Variants in PLA2G4A observed in about 807,000 individuals in gnomAD.
The protein encoded by PLA2G4A is cytosolic phospholipase A2.
Under a neutral mutation model 81.9 loss-of-function variants are expected in PLA2G4A, and 40 were observed. That is an observed-to-expected ratio of 0.49 (90% confidence interval 0.38 to 0.64). The LOEUF (loss-of-function observed/expected upper bound fraction) is 0.64. Among genes scored for constraint, PLA2G4A ranks in the 30% least tolerant of loss-of-function variants. The pLI, the probability that PLA2G4A is intolerant of heterozygous loss-of-function variation, is 0.00. For synonymous variants in PLA2G4A, 302 were observed against 296.9 expected (o/e 1.02, Z -0.18); for missense variants, 715 against 905.1 (o/e 0.79, Z 2.69).
At chr1:186,866,807 G>C (rs912388774) in intron 2 of PLA2G4A, among the ~76,000 whole-genome samples, 1 of 152,010 alleles carries the variant, frequency 6.6e-6, no homozygotes, top group Non-Finnish European at 1.5e-5. Context: ...TTATTGAGAT[G>C]GTTCCTTTTG....
intron 14 of PLA2G4A, among the ~76,000 whole-genome samples, chr1:186,960,606 A>G (rs1308237420): frequency 2.6e-5 from 4 of 152,224 alleles, no homozygotes; most frequent in African/African-American, 7.2e-5. Flanking sequence ...ATACAATGAG[A>G]TACCCTACTG....
chr1:186,962,013 C>G (rs986615375), intron 14 of PLA2G4A, among the ~76,000 whole-genome samples: 1 of 152,180 alleles, frequency 6.6e-6, no homozygotes, highest in Non-Finnish European at 1.5e-5. Context: ...TGCAAATCAT[C>G]TCTCTGTCCA....
At chr1:186,952,643 C>T (rs970275631) in intron 13 of PLA2G4A, among the ~76,000 whole-genome samples, 2 of 152,106 alleles carry the variant, frequency 1.3e-5, no homozygotes, top group Non-Finnish European at 2.9e-5. Context: ...TATGTAATGA[C>T]ATATATTCAT....
chr1:186,954,016 T>C (rs1656656728), intron 13 of PLA2G4A, among the ~76,000 whole-genome samples: 1 of 152,224 alleles, frequency 6.6e-6, no homozygotes, highest in Non-Finnish European at 1.5e-5. Flanking sequence ...TATTTGTTTT[T>C]GGTGACTATA....
intron 5 of PLA2G4A, among the ~76,000 whole-genome samples, chr1:186,899,833 A>C (rs1161407075): frequency 6.6e-6 from 1 of 152,180 alleles, no homozygotes; most frequent in East Asian, 1.9e-4. Flanking sequence ...GTGGAAAGTG[A>C]CTAGAATGGC....
At chr1:186,971,812 A>C (rs966210294) in intron 15 of PLA2G4A, among the ~76,000 whole-genome samples, 2 of 152,048 alleles carry the variant, frequency 1.3e-5, no homozygotes, top group African/African-American at 4.8e-5. Flanking sequence ...AGGAGTCTAC[A>C]TAAAGTTCTT....
At chr1:186,882,979 C>G (rs779939283) in intron 3 of PLA2G4A, among the ~76,000 whole-genome samples, 1 of 148,956 alleles carries the variant, frequency 6.7e-6, no homozygotes, top group Non-Finnish European at 1.5e-5. Flanking sequence ...GGAAAAATAA[C>G]AAGTTTTTAT....
intron 2 of PLA2G4A, among the ~76,000 whole-genome samples, chr1:186,861,031 C>G (rs1350293378): frequency 1.3e-5 from 2 of 152,090 alleles, no homozygotes; most frequent in Non-Finnish European, 2.9e-5. Context: ...TCGTTATATT[C>G]CCAGTTATCT....
At chr1:186,837,027 C>A (rs1297228925) in intron 1 of PLA2G4A, among the ~76,000 whole-genome samples, 5 of 151,954 alleles carry the variant, frequency 3.3e-5, no homozygotes, top group Non-Finnish European at 5.9e-5. Flanking sequence ...GAGTGGCATT[C>A]GTTAATGAGC....
intron 1 of PLA2G4A, among the ~76,000 whole-genome samples, chr1:186,853,904 A>G (rs753832641): frequency 7.2e-5 from 11 of 151,920 alleles, no homozygotes; most frequent in Non-Finnish European, 8.8e-5. Context: ...GAATTTGTAT[A>G]TTGCTGACCC....
intron 17 of PLA2G4A, among the ~76,000 whole-genome samples, chr1:186,985,572 G>C (rs981014457): frequency 6.6e-6 from 1 of 152,036 alleles, no homozygotes; most frequent in Admixed American, 6.6e-5. Context: ...CTCAATATTT[G>C]TTTGTAGATT....
At chr1:186,964,847 G>T (rs571468528) in intron 14 of PLA2G4A, among the ~76,000 whole-genome samples, 1 of 152,178 alleles carries the variant, frequency 6.6e-6, no homozygotes, top group African/African-American at 2.4e-5. Flanking sequence ...TGCTGGGTGT[G>T]TTGGCTGGAT....
At chr1:186,877,705 C>A (rs1653554806) in intron 3 of PLA2G4A, among the ~76,000 whole-genome samples, 25 of 86,926 alleles carry the variant, frequency 2.9e-4, no homozygotes, top group Non-Finnish European at 3.9e-4. Context: ...GGCTTACTCA[C>A]AAAAAAAAAA....
intron 1 of PLA2G4A, among the ~76,000 whole-genome samples, chr1:186,837,754 A>AAAAAAAAAAAG: frequency 1.4e-5 from 2 of 140,134 alleles, no homozygotes; most frequent in East Asian, 2.0e-4. Context: ...AAAAAAAAAG[A>AAAAAAAAAAAG]AAAAGAAAAG....
At chr1:186,914,126 G>A (rs1655059144) in intron 7 of PLA2G4A, among the ~76,000 whole-genome samples, 1 of 150,714 alleles carries the variant, frequency 6.6e-6, no homozygotes, top group East Asian at 1.9e-4. Context: ...GTTTTGCTTT[G>A]TTGCCCAGGC....
chr1:186,985,730 A>G (rs886880593), intron 17 of PLA2G4A, among the ~76,000 whole-genome samples: 1 of 152,126 alleles, frequency 6.6e-6, no homozygotes, highest in African/African-American at 2.4e-5. Context: ...CACAAGTGAA[A>G]GATGACATGG....
intron 13 of PLA2G4A, among the ~76,000 whole-genome samples, chr1:186,955,164 C>G (rs1169733008): frequency 6.6e-6 from 1 of 152,148 alleles, no homozygotes; most frequent in Non-Finnish European, 1.5e-5. Flanking sequence ...TCATTTAAAA[C>G]TGCTTCTTTG....
chr1:186,848,049 A>G (rs909074093), intron 1 of PLA2G4A, among the ~76,000 whole-genome samples: 2 of 152,146 alleles, frequency 1.3e-5, no homozygotes, highest in Non-Finnish European at 1.5e-5. Context: ...GCCTGGTAAC[A>G]TGAAAGAACC....
chr1:186,910,567 C>T (rs943286195), intron 6 of PLA2G4A, among the ~76,000 whole-genome samples: 1 of 152,046 alleles, frequency 6.6e-6, no homozygotes, highest in African/African-American at 2.4e-5. Flanking sequence ...TGTAGTGATA[C>T]TCCCATCGTT....
Sources: allele counts gnomAD v4.1 joint callset (sites outside exome capture counted in the v4.1 genomes callset), GRCh38; gene constraint gnomAD v4.1.1; transcripts MANE v1.5; gene names NCBI Gene and HGNC (gene_info 2026-07-23, HGNC 2026-07-21).